METTL8: variants seen among roughly 807,000 people sequenced by gnomAD.
METTL8 encodes methyltransferase 8, tRNA N3-cytidine, also known as tRNA N(3)-cytidine methyltransferase METTL8, mitochondrial.
METTL8 carries 32 observed loss-of-function variants against 48.7 expected under a neutral mutation model. The ratio of observed to expected loss-of-function variants is 0.66; its 90% CI spans 0.50 to 0.88. The LOEUF (loss-of-function observed/expected upper bound fraction) is 0.88. METTL8 is among the 40% of genes least tolerant of loss of function. METTL8 has a pLI of 0.00. For synonymous variants in METTL8, 136 were observed against 157.1 expected (o/e 0.87, Z 1.01); for missense variants, 464 against 474.4 (o/e 0.98, Z 0.20).
At chr2:171,361,197 C>G (rs776901009) in intron 2 of METTL8, among the ~76,000 whole-genome samples, 1 of 151,020 alleles carries the variant, frequency 6.6e-6, no homozygotes, top group Non-Finnish European at 1.5e-5. Flanking sequence ...GGAATAGAAG[C>G]GACAACTGTA....
chr2:171,384,947 C>G (rs916484693), intron 2 of METTL8, among the ~76,000 whole-genome samples: 2 of 151,490 alleles, frequency 1.3e-5, no homozygotes, highest in African/African-American at 4.8e-5. Context: ...ATATTAGAAA[C>G]TAAATAAAAA....
intron 5 of METTL8, among the ~76,000 whole-genome samples, chr2:171,334,877 G>A (rs1685921696): frequency 6.6e-6 from 1 of 152,196 alleles, no homozygotes; most frequent in East Asian, 1.9e-4. Flanking sequence ...AAGCTGTACT[G>A]TTAGGCAACC....
chr2:171,360,775 C>T (rs780176340), intron 2 of METTL8, among the ~76,000 whole-genome samples: 1 of 152,180 alleles, frequency 6.6e-6, no homozygotes, highest in Non-Finnish European at 1.5e-5. Context: ...AAGTAATGTC[C>T]TCAGAACACC....
At chr2:171,427,916 G>C (rs1692581452) in intron 1 of METTL8, among the ~76,000 whole-genome samples, 1 of 152,112 alleles carries the variant, frequency 6.6e-6, no homozygotes, top group Non-Finnish European at 1.5e-5. Context: ...ACTTCCTATA[G>C]CTTAGTTAAA....
intron 3 of METTL8, among the ~76,000 whole-genome samples, chr2:171,352,081 T>A (rs1455861132): frequency 6.6e-6 from 1 of 152,218 alleles, no homozygotes; most frequent in Non-Finnish European, 1.5e-5. Context: ...GTACGTATGA[T>A]ATTGACTGTG....
chr2:171,330,732 G>T (rs758630241), intron 6 of METTL8, 34 bp from the exon 7 acceptor site: 2 of 1,525,338 alleles, frequency 1.3e-6, no homozygotes, highest in Admixed American at 2.3e-5. Flanking sequence ...GCAAAAAGAG[G>T]ACTTAGTAGA....
intron 4 of METTL8, among the ~76,000 whole-genome samples, chr2:171,338,221 T>C (rs1025701434): frequency 2.0e-5 from 3 of 152,218 alleles, no homozygotes; most frequent in African/African-American, 4.8e-5. Context: ...GTACTCCACA[T>C]AGTAAAATAT....
intron 3 of METTL8, among the ~76,000 whole-genome samples, chr2:171,342,350 G>A (rs1409441237): frequency 1.3e-5 from 2 of 152,188 alleles, no homozygotes; most frequent in Non-Finnish European, 2.9e-5. Context: ...GTGATATTAA[G>A]TCCAAAACAT....
chr2:171,434,262 C>T (rs1369356526), upstream of METTL8: 9 of 520,836 alleles, frequency 1.7e-5, no homozygotes, highest in Non-Finnish European at 3.3e-5. Flanking sequence ...CTAGGAACTA[C>T]ATTTCCCGGT....
At chr2:171,434,073 G>C (rs1048392923), upstream of METTL8, 1 of 304,394 alleles carries the variant, frequency 3.3e-6, no homozygotes, top group Non-Finnish European at 6.4e-6. Flanking sequence ...CGCGCCCCCA[G>C]GGCTCTGCCC....
intron 2 of METTL8, among the ~76,000 whole-genome samples, chr2:171,376,303 C>G (rs1050957979): frequency 6.6e-6 from 1 of 152,136 alleles, no homozygotes; most frequent in African/African-American, 2.4e-5. Context: ...ACCTGCTCTT[C>G]CAACCTCATC....
intron 7 of METTL8, 192 bp from the exon 8 acceptor site, chr2:171,326,340 T>C: frequency 1.9e-6 from 1 of 532,956 alleles, no homozygotes; most frequent in Non-Finnish European, 3.3e-6. Context: ...GCTAAATGAC[T>C]AGATTCAAAA....
rs1447711709 is a variant in METTL8, at chr2:171,317,044, T to C, written c.*7128A>G. Among the ~76,000 whole-genome samples the C allele has an allele frequency of 1.3e-5, 2 of 152,170 alleles. No individual in the cohort carries two copies. The highest frequency in any genetic ancestry group is 6.5e-5 in the Admixed American group (1 of 15,276). On this transcript the variant is annotated 3_prime_UTR_variant, in exon 10 of 10. Coordinates refer to ENST00000375258, the MANE Select transcript of METTL8 (RefSeq NM_001321154.2). ...TGAGAGAAATGAGGCAGCAATTACA[T>C]AGTGTTGCTTGTGCTAAGTACAGAG... is the stretch of plus-strand genomic sequence containing the variant.
intron 1 of METTL8, among the ~76,000 whole-genome samples, chr2:171,429,727 G>T (rs1005294922): frequency 2.0e-5 from 3 of 152,196 alleles, no homozygotes; most frequent in African/African-American, 7.2e-5. Flanking sequence ...AGGATCCTGA[G>T]TATCTTATTT....
At chr2:171,429,740 G>A (rs1325848305) in intron 1 of METTL8, among the ~76,000 whole-genome samples, 1 of 152,104 alleles carries the variant, frequency 6.6e-6, no homozygotes, top group African/African-American at 2.4e-5. Context: ...TCTTATTTGG[G>A]TATAAGAAAT....
Position 171,339,529 on chromosome 2 carries a change from T to C in METTL8, c.261A>G (p.Lys87=). ...EQVKYEREAS[K]YWDTFYKIHK... ...GAATCTTGTAAAATGTGTCCCAGTA[T>C]TTACTAGCTTCTCTCTCATACTTAA... Residue 87 remains lysine (K), a synonymous_variant, in exon 4 of 10, where the codon AAA becomes AAG. Coordinates refer to ENST00000375258, the MANE Select transcript of METTL8 (RefSeq NM_001321154.2). 6.4e-7 allele frequency: 1 copy of C among 1,568,608 alleles called. No homozygotes were observed.
chr2:171,369,025 G>A (rs1378611522), intron 2 of METTL8, among the ~76,000 whole-genome samples: 1 of 152,002 alleles, frequency 6.6e-6, no homozygotes, highest in Non-Finnish European at 1.5e-5. Context: ...CTCCTCTCCA[G>A]CCAGGCGCGG....
chr2:171,373,564 G>A (rs1257026832), intron 2 of METTL8, among the ~76,000 whole-genome samples: 1 of 152,196 alleles, frequency 6.6e-6, no homozygotes, highest in Non-Finnish European at 1.5e-5. Flanking sequence ...CCATGCCTAT[G>A]TCCTGAATGG....
At chr2:171,422,456 T>A (rs1691970801) in intron 1 of METTL8, among the ~76,000 whole-genome samples, 1 of 152,238 alleles carries the variant, frequency 6.6e-6, no homozygotes, top group Non-Finnish European at 1.5e-5. Context: ...AGTCAAATTA[T>A]AACCATAAAA....
Sources: allele counts gnomAD v4.1 joint callset (sites outside exome capture counted in the v4.1 genomes callset), GRCh38; gene constraint gnomAD v4.1.1; transcripts MANE v1.5; gene names NCBI Gene and HGNC (gene_info 2026-07-23, HGNC 2026-07-21).